PLPPR5: variants seen among roughly 807,000 people sequenced by gnomAD.
PLPPR5 encodes phospholipid phosphatase related 5, also known as phospholipid phosphatase-related protein type 5.
PLPPR5 carries 16 observed loss-of-function variants against 33.9 expected under a neutral mutation model. The ratio of observed to expected loss-of-function variants is 0.47; its 90% CI spans 0.32 to 0.72. PLPPR5 has a LOEUF of 0.72. PLPPR5 is among the 30% of genes least tolerant of loss of function. PLPPR5 has a pLI of 0.03. For missense variants in PLPPR5, 301 were observed against 406.7 expected (o/e 0.74, Z 2.23); for synonymous variants, 163 against 150.3 (o/e 1.08, Z -0.62).
chr1:98,953,223 C>T lies in PLPPR5; in HGVS notation c.468G>A (p.Lys156=), dbSNP rs749337436. The stretch of plus-strand genomic sequence containing the variant: ...GACATCCAAGTGCTGTATAATTGGG[C>T]TTACACAGGGCAAGGAAATGTGGGG... ...NLAPHFLALC[K]PNYTALGCQQ... Residue 156 remains lysine (K), a synonymous_variant, in exon 3 of 6, where the codon AAG becomes AAA. Transcript: ENST00000263177. 1 of 1,614,042 alleles carries T rather than the reference C, an allele frequency of 6.2e-7. No individual in the cohort carries two copies. Among genetic ancestry groups the T allele is most frequent in the Non-Finnish European group, 8.5e-7 (1 of 1,179,996 alleles).
intron 3 of PLPPR5, among the ~76,000 whole-genome samples, chr1:98,925,882 T>A (rs1250218062): frequency 6.6e-6 from 1 of 152,190 alleles, no homozygotes; most frequent in East Asian, 1.9e-4. Flanking sequence ...TCAAAGCACC[T>A]TGTTCCTCAT....
intron 5 of PLPPR5, among the ~76,000 whole-genome samples, chr1:98,905,617 C>A (rs1199814050): frequency 1.3e-5 from 2 of 151,886 alleles, no homozygotes; most frequent in African/African-American, 2.4e-5. Context: ...AGATAATTTT[C>A]TTTTCTTATA....
At chr1:98,990,057 C>A (rs1309148853) in intron 1 of PLPPR5, among the ~76,000 whole-genome samples, 1 of 152,040 alleles carries the variant, frequency 6.6e-6, no homozygotes, top group African/African-American at 2.4e-5. Flanking sequence ...AAAAAGTGTA[C>A]AAAGTATATA....
intron 4 of PLPPR5, among the ~76,000 whole-genome samples, chr1:98,916,748 T>C (rs1053065753): frequency 6.6e-6 from 1 of 152,238 alleles, no homozygotes; most frequent in Non-Finnish European, 1.5e-5. Flanking sequence ...ATGATTATTC[T>C]TCTTACTCTT....
intron 3 of PLPPR5, 35 bp downstream of exon 3, chr1:98,953,035 C>T (rs758554137): frequency 8.1e-6 from 13 of 1,607,072 alleles, no homozygotes. Flanking sequence ...AACAATAATA[C>T]AGACTAAGAC....
chr1:98,893,172 C>A, intron 5 of PLPPR5, 68 bp from the exon 6 acceptor site: 3 of 1,414,238 alleles, frequency 2.1e-6, no homozygotes, highest in Non-Finnish European at 2.0e-6. Context: ...ATATGTAGTA[C>A]CTTTACAAAT....
chr1:98,916,942 GAC>G (rs1409882678), intron 4 of PLPPR5, among the ~76,000 whole-genome samples: 1 of 152,144 alleles, frequency 6.6e-6, no homozygotes, highest in Non-Finnish European at 1.5e-5. Context: ...TACATTATCA[GAC>G]AGTTCTCCGA....
intron 3 of PLPPR5, among the ~76,000 whole-genome samples, chr1:98,946,551 C>T (rs1650559316): frequency 6.6e-6 from 1 of 152,124 alleles, no homozygotes; most frequent in South Asian, 2.1e-4. Context: ...CTGCTATTGC[C>T]CTTCCCTGGG....
chr1:98,969,149 A>G (rs2101244065), intron 1 of PLPPR5, among the ~76,000 whole-genome samples: 1 of 152,188 alleles, frequency 6.6e-6, no homozygotes, highest in Middle Eastern at 3.4e-3. Context: ...AATATCTGGT[A>G]GAGCTAGCAT....
In PLPPR5 at chr1:98,956,643, T is replaced by C; in HGVS notation, c.336A>G (p.Ile112Met). The C allele has an allele frequency of 6.3e-7, 1 of 1,599,638 alleles. No individual in the cohort carries two copies. Among genetic ancestry groups the C allele is most frequent in the Non-Finnish European group, 8.5e-7 (1 of 1,175,176 alleles). ...KTILTGDCCY[I>M]NPLVRRTVRF... ...GGACAGTTCGGCGCACCAGCGGGTT[T>C]ATATAGCAACAGTCTCCAGTTAAAA... The change falls in exon 2 of 6, where the codon ATA becomes ATG. Residue 112 changes from isoleucine (I) to methionine (M), a missense_variant. Coordinates refer to ENST00000263177, the MANE Select transcript of PLPPR5 (RefSeq NM_001037317.2).
chr1:98,926,796 C>T (rs1263145038), intron 3 of PLPPR5, among the ~76,000 whole-genome samples: 2 of 152,186 alleles, frequency 1.3e-5, no homozygotes, highest in East Asian at 3.9e-4. Flanking sequence ...TGGCACTTTG[C>T]CCGAGATCTG....
intron 5 of PLPPR5, among the ~76,000 whole-genome samples, chr1:98,914,372 T>C (rs111653139): frequency 2.6e-5 from 4 of 152,198 alleles, no homozygotes; most frequent in African/African-American, 9.6e-5. Context: ...TGCAACCTTT[T>C]CCTCCAGGTT....
intron 5 of PLPPR5, among the ~76,000 whole-genome samples, chr1:98,896,787 A>C (rs1315430399): frequency 1.3e-5 from 2 of 151,978 alleles, no homozygotes; most frequent in Non-Finnish European, 2.9e-5. Flanking sequence ...CTGCATGAAA[A>C]TCTCTATTTT....
At chr1:98,976,033 T>C (rs1361631514) in intron 1 of PLPPR5, among the ~76,000 whole-genome samples, 4 of 130,780 alleles carry the variant, frequency 3.1e-5, no homozygotes, top group African/African-American at 1.2e-4. Context: ...TTCCAGGGAA[T>C]AGACAGGCCC....
rs761061098 is a variant in PLPPR5 at position 98,956,637 on chromosome 1, C to T, written c.342G>A (p.Pro114=). 49 of 1,590,664 alleles carry T rather than the reference C, an allele frequency of 3.1e-5. No homozygotes were observed. Among genetic ancestry groups the T allele is most frequent in the Admixed American group, 9.2e-5 (5 of 54,200 alleles). ...ILTGDCCYIN[P]LVRRTVRFLG... is the part of the protein sequence containing the mutation. ...GAAATCGGACAGTTCGGCGCACCAG[C>T]GGGTTTATATAGCAACAGTCTCCAG... Residue 114 remains proline (P), a synonymous_variant, in exon 2 of 6, where the codon CCG becomes CCA. Coordinates refer to ENST00000263177, the MANE Select transcript of PLPPR5 (RefSeq NM_001037317.2).
chr1:98,909,180 A>T (rs1169349409), intron 5 of PLPPR5, among the ~76,000 whole-genome samples: 2 of 151,614 alleles, frequency 1.3e-5, no homozygotes, highest in African/African-American at 2.4e-5. Flanking sequence ...TGCCTCCTTA[A>T]GTTTAAGCAT....
At chr1:98,976,480 T>G (rs1197810491) in intron 1 of PLPPR5, among the ~76,000 whole-genome samples, 1 of 152,004 alleles carries the variant, frequency 6.6e-6, no homozygotes, top group Non-Finnish European at 1.5e-5. Flanking sequence ...GCATATCAAT[T>G]CAATGGTATT....
chr1:98,914,829 A>G lies in PLPPR5; in HGVS notation c.890T>C (p.Ile297Thr). 6.2e-7 allele frequency: 1 copy of G among 1,613,348 alleles called. No homozygotes were observed. Residue 297 changes from isoleucine (I) to threonine (T), a missense_variant, in exon 5 of 6, where the codon ATT (isoleucine) becomes ACT (threonine). By Grantham distance (89) the Ile-to-Thr change is moderately conservative (BLOSUM62 -1). Transcript: ENST00000263177. Reference sequence around the variant, plus strand: ...TTCCAAAGGACTTTCTACTCGAGGAATGCTGATCATTGGCATCTGTGCCAG... The same window carrying G: ...TTCCAAAGGACTTTCTACTCGAGGAGTGCTGATCATTGGCATCTGTGCCAG... Reference protein sequence around the residue: ...DNLAQMPMISIPRVESPLEKV... With the variant: ...DNLAQMPMISTPRVESPLEKV...
intron 1 of PLPPR5, among the ~76,000 whole-genome samples, chr1:98,975,164 A>G (rs908136484): frequency 3.3e-5 from 5 of 151,982 alleles, no homozygotes; most frequent in African/African-American, 9.7e-5. Flanking sequence ...CTACCCTTCT[A>G]TGCCTTGACT....
Sources: gnomAD v4.1 joint callset for allele counts (sites outside exome capture counted in the v4.1 genomes callset) on GRCh38, gnomAD v4.1.1 for gene constraint, MANE v1.5 for transcripts, NCBI Gene and HGNC (gene_info 2026-07-23, HGNC 2026-07-21) for gene names.